Variants in PIK3C2G observed in about 807,000 individuals in gnomAD.
PIK3C2G encodes phosphatidylinositol-4-phosphate 3-kinase catalytic subunit type 2 gamma.
A neutral mutation model predicts 181.1 loss-of-function variants in PIK3C2G; 168 were observed. The observed-to-expected ratio is 0.93, with a 90% CI of 0.82 to 1.05. PIK3C2G has a LOEUF of 1.05. Among genes scored for constraint, PIK3C2G ranks in the 50% least tolerant of loss-of-function variants. The pLI is 0.00. For synonymous variants in PIK3C2G, 573 were observed against 592.2 expected, an observed-to-expected ratio of 0.97 and a Z score of 0.47; for missense variants, 1,869 against 1,732.8, an observed-to-expected ratio of 1.08 and a Z score of -1.40.
chr12:18,583,847 A>G (rs1393932792), intron 29 of PIK3C2G, among the ~76,000 whole-genome samples: 1 of 152,116 alleles, frequency 6.6e-6, no homozygotes, highest in Non-Finnish European at 1.5e-5. Context: ...TAGTTCTCCA[A>G]CAAGGGTTCT....
intron 29 of PIK3C2G, among the ~76,000 whole-genome samples, chr12:18,572,073 A>G (rs561961416): frequency 4.2e-5 from 6 of 142,872 alleles, no homozygotes; most frequent in Non-Finnish European, 7.5e-5. Context: ...AATAAATTAG[A>G]ATTTTTATGA....
the PIK3C2G span, among the ~76,000 whole-genome samples, chr12:18,689,327 G>A: frequency 6.6e-6 from 1 of 152,106 alleles, no homozygotes. Context: ...TATGAAAACT[G>A]AATGAGAATT....
At chr12:18,451,921 C>T (rs1592292967) in intron 18 of PIK3C2G, among the ~76,000 whole-genome samples, 1 of 152,280 alleles carries the variant, frequency 6.6e-6, no homozygotes, top group East Asian at 1.9e-4. Flanking sequence ...GGGATGAAGC[C>T]AACTTGATCG....
At chr12:18,414,689 A>G (rs897452220) in intron 16 of PIK3C2G, among the ~76,000 whole-genome samples, 4 of 151,692 alleles carry the variant, frequency 2.6e-5, no homozygotes, top group African/African-American at 4.9e-5. Flanking sequence ...GTAAATAGAT[A>G]GATCAAAAAA....
At chr12:18,716,780 T>C in the PIK3C2G span, among the ~76,000 whole-genome samples, 1 of 152,246 alleles carries the variant, frequency 6.6e-6, no homozygotes, top group Non-Finnish European at 1.5e-5. Flanking sequence ...GTAATTTTTG[T>C]TGTAACTTAT....
At chr12:18,699,683 T>C in the PIK3C2G span, 2 of 1,193,216 alleles carry the variant, frequency 1.7e-6, no homozygotes, top group Non-Finnish European at 2.5e-6. Context: ...TTAAATGTGT[T>C]GAAATTTTAT....
chr12:18,462,583 C>T (rs1442143997), intron 18 of PIK3C2G, among the ~76,000 whole-genome samples: 1 of 152,096 alleles, frequency 6.6e-6, no homozygotes, highest in Non-Finnish European at 1.5e-5. Context: ...ATGGATGACT[C>T]TGAAATCTGG....
chr12:18,665,412 A>C, the PIK3C2G span, among the ~76,000 whole-genome samples: 3 of 152,306 alleles, frequency 2.0e-5, no homozygotes, highest in African/African-American at 7.2e-5. Context: ...CCACAAGAAA[A>C]AAAAATTGAG....
chr12:18,521,390 C>T (rs547791521), intron 24 of PIK3C2G, among the ~76,000 whole-genome samples: 11 of 152,216 alleles, frequency 7.2e-5, no homozygotes, highest in East Asian at 1.9e-4. Context: ...TGTGGCTACC[C>T]GTCCTCTTAG....
chr12:18,436,265 A>G (rs1302134785), intron 18 of PIK3C2G, among the ~76,000 whole-genome samples: 3 of 151,978 alleles, frequency 2.0e-5, no homozygotes, highest in Non-Finnish European at 4.4e-5. Context: ...TCAGTTAGAA[A>G]ATTTTTCCAT....
the PIK3C2G span, chr12:18,683,394 AG>A: frequency 2.0e-6 from 3 of 1,518,608 alleles, no homozygotes; most frequent in South Asian, 3.4e-5. Context: ...AGCCTTGCTG[AG>A]AAACAAGAGC....
chr12:18,440,975 A>C (rs1390413084), intron 18 of PIK3C2G, among the ~76,000 whole-genome samples: 1 of 152,166 alleles, frequency 6.6e-6, no homozygotes, highest in Non-Finnish European at 1.5e-5. Flanking sequence ...AGGAGAATGA[A>C]TACAAATAGA....
In PIK3C2G at chr12:18,566,981, AT is replaced by A; in HGVS notation, c.3937del (p.Ser1313GlnfsTer9). The A allele has an allele frequency of 6.2e-7, 1 of 1,601,546 alleles. No homozygotes were observed. The highest frequency in any genetic ancestry group is 8.6e-7 in the Non-Finnish European group (1 of 1,169,262). On this transcript the variant is annotated frameshift_variant, in exon 29 of 33. Transcript: ENST00000538779. LOFTEE classifies it high-confidence loss of function. ...CATTGGTGGCACCTACCTTTTACAAATTCAGATCACAGAAGATTCAGAGATC... is the reference window on the plus strand; with the variant it reads ...CATTGGTGGCACCTACCTTTTACAAATCAGATCACAGAAGATTCAGAGATC... ...FPHWWHLPFT[N>X]SDHRRFRDLN...
At chr12:18,627,048 T>C (rs562843583) in intron 31 of PIK3C2G, among the ~76,000 whole-genome samples, 6 of 152,080 alleles carry the variant, frequency 3.9e-5, no homozygotes, top group African/African-American at 1.4e-4. Flanking sequence ...AACATTCCCA[T>C]AAATTTTCCT....
intron 11 of PIK3C2G, among the ~76,000 whole-genome samples, chr12:18,354,813 T>C (rs891082536): frequency 2.0e-5 from 3 of 152,160 alleles, no homozygotes; most frequent in African/African-American, 7.2e-5. Context: ...GAAATAGGTA[T>C]CCCTCATTTC....
chr12:18,349,418 A>G (rs1940000005), intron 11 of PIK3C2G, among the ~76,000 whole-genome samples: 1 of 152,192 alleles, frequency 6.6e-6, no homozygotes, highest in South Asian at 2.1e-4. Context: ...GGACTCTACA[A>G]TAAAAAAGAG....
In PIK3C2G at chr12:18,290,961, A is replaced by G. The variant is rs367579213; in HGVS notation, c.868A>G (p.Ile290Val). The change falls in exon 4 of 33, where the codon ATA (isoleucine) becomes GTA (valine). Residue 290 changes from isoleucine to valine, a missense_variant. Transcript: ENST00000538779. ...YQLFSKTKFN[I>V]HIFIDNSTQP... ...GCTCTTTTCTAAGACCAAGTTTAAT[A>G]TACATATTTTTATTGATAACTCAAC... is the stretch of plus-strand genomic sequence containing the variant. 1.1e-5 allele frequency: 18 copies of G among 1,594,810 alleles called. No homozygotes were observed. The African/African-American group carries it at 2.3e-4, about 20-fold the overall frequency.
Position 18,416,073 on chromosome 12 carries a change from C to T in PIK3C2G, c.2316-4868C>T, listed in dbSNP as rs182285101. 7.8e-4 allele frequency among the ~76,000 whole-genome samples: 119 copies of T among 152,158 alleles called. 1 individual carries two copies. The highest frequency in any genetic ancestry group is 2.8e-3 in the African/African-American group (116 of 41,528). ...CCAGATGGCCAAGATGGTGAAACCC[C>T]GTCTCTACTGAAAATACAAAAATTA... On this transcript the variant is annotated intron_variant, in intron 16 of 32. Transcript: ENST00000538779.
intron 5 of PIK3C2G, among the ~76,000 whole-genome samples, chr12:18,303,486 C>T (rs1341749193): frequency 6.6e-6 from 1 of 152,096 alleles, no homozygotes; most frequent in Non-Finnish European, 1.5e-5. Flanking sequence ...CAGGCACGCA[C>T]CACCACGCCT....
Sources: gnomAD v4.1 joint callset for allele counts (sites outside exome capture counted in the v4.1 genomes callset) on GRCh38, gnomAD v4.1.1 for gene constraint, MANE v1.5 for transcripts, NCBI Gene and HGNC (gene_info 2026-07-23, HGNC 2026-07-21) for gene names.